Variants in PUM1 observed in about 807,000 individuals in gnomAD.
The protein encoded by PUM1 is pumilio homolog 1.
PUM1 carries 13 observed loss-of-function variants against 131.8 expected under a neutral mutation model. The ratio of observed to expected loss-of-function variants is 0.10; its 90% CI spans 0.06 to 0.16. The LOEUF is 0.16. PUM1 is among the 10% of genes least tolerant of loss of function. The pLI, the probability that PUM1 is intolerant of heterozygous loss-of-function variation, is 1.00. For synonymous variants in PUM1, 509 were observed against 556.5 expected (o/e 0.91, Z 1.20); for missense variants, 961 against 1,512.4 (o/e 0.64, Z 6.05).
At position 30,992,420 on chromosome 1, in the gene PUM1, C is replaced by T. The variant is rs200705145; in HGVS notation, c.1128G>A (p.Val376=). 1.2e-6 allele frequency: 2 copies of T among 1,614,132 alleles called. No individual in the cohort carries two copies. The highest frequency in any genetic ancestry group is 2.2e-5 in the East Asian group (1 of 44,884). ...GTTGAGAATTGTAGTCAAAAAGTCCCACAGTTGCTGCTGCTGAGTCCACAG... is the reference window on the plus strand; with the variant it reads ...GTTGAGAATTGTAGTCAAAAAGTCCTACAGTTGCTGCTGCTGAGTCCACAG... The part of the protein sequence containing the change: ...QVPVDSAAAT[V]GLFDYNSQQQ... The change falls in exon 7 of 22, where the codon GTG becomes GTA. Residue 376 remains valine (V), a synonymous_variant. Coordinates refer to ENST00000426105, the MANE Select transcript of PUM1 (RefSeq NM_001020658.2).
chr1:31,038,974 A>ATTTTTT (rs1557599182), intron 2 of PUM1, among the ~76,000 whole-genome samples: 2 of 30,706 alleles, frequency 6.5e-5, no homozygotes, highest in African/African-American at 5.4e-4. Flanking sequence ...ATATATATAT[A>ATTTTTT]TATATATATA....
Position 30,964,763 on chromosome 1 carries a change from C to A in PUM1, c.2234G>T (p.Gly745Val). 6.2e-7 allele frequency: 1 copy of A among 1,613,938 alleles called. No homozygotes were observed. The highest frequency in any genetic ancestry group is 8.5e-7 in the Non-Finnish European group (1 of 1,179,960). The change falls in exon 14 of 22, where the codon GGC becomes GTC. Residue 745 changes from glycine (G) to valine (V), a missense_variant. By Grantham distance (109) the Gly-to-Val change is moderately radical. Around this residue, in one of 4 missense-constraint regions of PUM1, gnomAD observed 117 missense variants for 200.7 expected, o/e 0.58. Coordinates refer to ENST00000426105, the MANE Select transcript of PUM1 (RefSeq NM_001020658.2). ...TGGTCCCTGACTAGGGAGAGGCATG[C>A]CCACGGGTCCAGGAGAGGAGGAAAA... The part of the protein sequence containing the change: ...LSFSSSPGPV[G>V]MPLPSQGPGH...
chr1:31,052,457 G>C (rs1392967260), intron 2 of PUM1, among the ~76,000 whole-genome samples: 1 of 151,340 alleles, frequency 6.6e-6, no homozygotes, highest in Admixed American at 6.6e-5. Flanking sequence ...ACAGGCTGGA[G>C]TGCCTGAACT....
At chr1:30,976,200 T>C (rs537382249) in intron 9 of PUM1, among the ~76,000 whole-genome samples, 5 of 152,050 alleles carry the variant, frequency 3.3e-5, no homozygotes, top group Admixed American at 6.5e-5. Flanking sequence ...AACAGAGATA[T>C]AACAAAATTA....
At chr1:31,010,343 G>A (rs148051221) in intron 3 of PUM1, among the ~76,000 whole-genome samples, 1 of 152,064 alleles carries the variant, frequency 6.6e-6, no homozygotes, top group East Asian at 1.9e-4. Context: ...CCTGACTGTG[G>A]GCTAGACCTA....
Position 31,059,436 on chromosome 1 carries a change from G to C in PUM1, c.131C>G (p.Ser44Trp). ...MPVVLTSGTG[S>W]QAQPQPAANQ... is the part of the protein sequence containing the mutation. ...TGCAGCTGGTTGTGGCTGCGCTTGCGACCCTGTTCCAGATGTCAAAACAAC... is the reference window on the plus strand; with the variant it reads ...TGCAGCTGGTTGTGGCTGCGCTTGCCACCCTGTTCCAGATGTCAAAACAAC... Residue 44 changes from serine to tryptophan, a missense_variant, in exon 2 of 22, where the codon TCG becomes TGG. Coordinates refer to ENST00000426105, the MANE Select transcript of PUM1 (RefSeq NM_001020658.2). 3.7e-6 allele frequency: 6 copies of C among 1,614,180 alleles called. No homozygotes were observed. The highest frequency in any genetic ancestry group is 5.1e-6 in the Non-Finnish European group (6 of 1,180,042).
intron 16 of PUM1, 106 bp downstream of exon 16, chr1:30,952,128 T>G (rs1182448430): frequency 6.4e-6 from 7 of 1,101,092 alleles, no homozygotes; most frequent in Non-Finnish European, 8.2e-6. Flanking sequence ...CACACACCCT[T>G]CATTCTGAGG....
In PUM1 at chr1:30,966,027, G is replaced by A. The variant is rs1640606945; in HGVS notation, c.2041C>T (p.Leu681Phe). Reference protein sequence around the residue: ...TSLGFGSSSSLGATLGSALGG... With the variant: ...TSLGFGSSSSFGATLGSALGG... ...AGGGCGGATCCCAGGGTGGCGCCGA[G>A]AGAACTGCTACTTCCGAATCCCAAG... Residue 681 changes from leucine (L) to phenylalanine (F), a missense_variant, in exon 13 of 22, where the codon CTC (leucine) becomes TTC (phenylalanine). Around this residue, in one of 4 missense-constraint regions of PUM1, gnomAD observed 654 missense variants for 923.9 expected, o/e 0.71. Transcript: ENST00000426105. The A allele has an allele frequency of 6.2e-7, 1 of 1,614,192 alleles. No individual in the cohort carries two copies. Among genetic ancestry groups the A allele is most frequent in the South Asian group, 1.1e-5 (1 of 91,082 alleles).
At chr1:31,007,334 T>C (rs1054544091) in intron 3 of PUM1, among the ~76,000 whole-genome samples, 1 of 151,112 alleles carries the variant, frequency 6.6e-6, no homozygotes, top group Non-Finnish European at 1.5e-5. Context: ...GATCAAACCA[T>C]CCAATAGAGG....
chr1:30,954,407 T>C (rs976530735), intron 14 of PUM1, among the ~76,000 whole-genome samples: 4 of 152,112 alleles, frequency 2.6e-5, no homozygotes, highest in Non-Finnish European at 5.9e-5. Flanking sequence ...TAACCCCCAT[T>C]TCCATCTGAA....
At chr1:31,036,559 T>G (rs375768484) in intron 2 of PUM1, among the ~76,000 whole-genome samples, 2 of 152,218 alleles carry the variant, frequency 1.3e-5, no homozygotes, top group African/African-American at 4.8e-5. Context: ...CTACAAAAAA[T>G]ATGTTCAGGC....
intron 2 of PUM1, among the ~76,000 whole-genome samples, chr1:31,047,317 A>AG (rs1381565589): frequency 6.6e-6 from 1 of 152,230 alleles, no homozygotes. Context: ...AATGTAAAAA[A>AG]CAAAGAGGAG....
intron 15 of PUM1, 147 bp downstream of exon 15, chr1:30,953,567 C>A: frequency 1.2e-6 from 1 of 835,206 alleles, no homozygotes; most frequent in Non-Finnish European, 1.9e-6. Context: ...TTTCTTAAAT[C>A]CCTATGAAAT....
chr1:30,968,224 C>T, intron 11 of PUM1, 130 bp downstream of exon 11: 3 of 1,262,786 alleles, frequency 2.4e-6, no homozygotes, highest in Non-Finnish European at 3.4e-6. Flanking sequence ...AAGTGTGTAT[C>T]ATCCTTGCCA....
intron 3 of PUM1, among the ~76,000 whole-genome samples, chr1:31,011,007 A>C (rs1379571094): frequency 2.6e-5 from 4 of 152,134 alleles, no homozygotes; most frequent in Non-Finnish European, 4.4e-5. Context: ...ACTTTTTAAA[A>C]ATCAGTCCGG....
intron 9 of PUM1, among the ~76,000 whole-genome samples, chr1:30,977,635 A>C (rs1173541762): frequency 1.3e-5 from 2 of 152,208 alleles, no homozygotes; most frequent in Admixed American, 6.5e-5. Flanking sequence ...TCATAGTTTT[A>C]ACAGTTAACA....
At chr1:30,962,281 G>C (rs1289905687) in intron 14 of PUM1, among the ~76,000 whole-genome samples, 1 of 152,152 alleles carries the variant, frequency 6.6e-6, no homozygotes, top group Admixed American at 6.5e-5. Flanking sequence ...CTTCTTCACA[G>C]GGAAAACAAA....
rs140047141 is a variant in PUM1 at position 30,965,891 on chromosome 1, C to A, written c.2086+91G>T. 1.2e-5 allele frequency: 16 copies of A among 1,348,668 alleles called. No individual in the cohort carries two copies. The African/African-American group carries it at 1.5e-4, about 12-fold the overall frequency. The allele number at this position is 1,348,668 out of a possible 1,614,324, so 83.5% of individuals were successfully genotyped here. On this transcript the variant is annotated intron_variant, in intron 13 of 21. Transcript: ENST00000426105. ...GATTCCCACAAGGCTTGGTCCAGATCTGCCTGTGGTTCCATGCATTGCCAG... is the reference window on the plus strand; with the variant it reads ...GATTCCCACAAGGCTTGGTCCAGATATGCCTGTGGTTCCATGCATTGCCAG...
At position 31,038,984 on chromosome 1, in the gene PUM1, A is replaced by ATTTTTT. The variant is rs35507851; in HGVS notation, c.364-10126_364-10121dup. Among the ~76,000 whole-genome samples the ATTTTTT allele has an allele frequency of 1.8e-4, 9 of 49,416 alleles. 1 individual carries two copies. The highest frequency in any genetic ancestry group is 1.4e-3 in the African/African-American group (7 of 4,832). The allele number at this position is 49,416 out of a possible 152,430, so 32.4% of individuals were successfully genotyped here. ...TATATATATATATATATATATATAT[A>ATTTTTT]TTTTTTTTTTTTTTTTCCTTTTCTC... On this transcript the variant is annotated intron_variant, in intron 2 of 21. Coordinates refer to ENST00000426105, the MANE Select transcript of PUM1 (RefSeq NM_001020658.2).
Sources: allele counts gnomAD v4.1 joint callset (sites outside exome capture counted in the v4.1 genomes callset), GRCh38; gene constraint gnomAD v4.1.1; regional missense constraint gnomAD v4.1.1; transcripts MANE v1.5; gene names NCBI Gene and HGNC (gene_info 2026-07-23, HGNC 2026-07-21).